CNTNAP5: variants seen among roughly 807,000 people sequenced by gnomAD.
The protein encoded by CNTNAP5 is contactin associated protein family member 5, also known as contactin-associated protein-like 5.
Under a neutral mutation model 150.2 loss-of-function variants are expected in CNTNAP5, and 72 were observed. The observed-to-expected ratio is 0.48, with a 90% CI of 0.40 to 0.58. The LOEUF (loss-of-function observed/expected upper bound fraction) is 0.58, where lower values mean the gene tolerates loss of function less well. Among genes scored for constraint, CNTNAP5 ranks in the 20% least tolerant of loss-of-function variants. The probability of loss-of-function intolerance (pLI) is 0.00; values close to 1 mark genes in which losing one functional copy is unlikely to be tolerated. For synonymous variants in CNTNAP5, 672 were observed against 619.8 expected (o/e 1.08, Z -1.25); for missense variants, 1,636 against 1,626.2 (o/e 1.01, Z -0.10).
chr2:124,610,966 A>G (rs1479802519), intron 12 of CNTNAP5, among the ~76,000 whole-genome samples: 2 of 152,008 alleles, frequency 1.3e-5, no homozygotes, highest in Admixed American at 6.5e-5. Context: ...AAAAAAAAAA[A>G]AAAAATCCAG....
chr2:124,438,031 G>A (rs944710104), intron 5 of CNTNAP5, among the ~76,000 whole-genome samples: 1 of 152,040 alleles, frequency 6.6e-6, no homozygotes, highest in Non-Finnish European at 1.5e-5. Flanking sequence ...ATGGCACTGG[G>A]GACATACATA....
At chr2:124,097,454 A>G (rs1335491820) in intron 1 of CNTNAP5, among the ~76,000 whole-genome samples, 1 of 152,184 alleles carries the variant, frequency 6.6e-6, no homozygotes, top group African/African-American at 2.4e-5. Flanking sequence ...AACAGTATGC[A>G]TATTCTGAAA....
intron 3 of CNTNAP5, among the ~76,000 whole-genome samples, chr2:124,402,427 G>A (rs1408670258): frequency 6.6e-6 from 1 of 152,192 alleles, no homozygotes; most frequent in Non-Finnish European, 1.5e-5. Context: ...GCGACTCCCT[G>A]AGAGAAGGGA....
chr2:124,379,211 G>A (rs1322694620), intron 3 of CNTNAP5, among the ~76,000 whole-genome samples: 1 of 151,596 alleles, frequency 6.6e-6, no homozygotes, highest in African/African-American at 2.4e-5. Context: ...TTTATATAAG[G>A]GTGTACTCTT....
At chr2:124,758,977 AT>A (rs1397132066) in intron 14 of CNTNAP5, among the ~76,000 whole-genome samples, 1 of 152,172 alleles carries the variant, frequency 6.6e-6, no homozygotes, top group African/African-American at 2.4e-5. Flanking sequence ...ACATTAAATC[AT>A]TTTCCAACAG....
chr2:124,494,554 A>G (rs987295843), intron 7 of CNTNAP5, among the ~76,000 whole-genome samples: 1 of 152,174 alleles, frequency 6.6e-6, no homozygotes, highest in Non-Finnish European at 1.5e-5. Context: ...ATAATGCTTT[A>G]CCAGGTTTTT....
At chr2:124,697,227 C>T (rs1312423925) in intron 13 of CNTNAP5, among the ~76,000 whole-genome samples, 3 of 152,132 alleles carry the variant, frequency 2.0e-5, no homozygotes, top group Admixed American at 2.0e-4. Flanking sequence ...GCACTTATTG[C>T]AATTAATGGG....
intron 3 of CNTNAP5, among the ~76,000 whole-genome samples, chr2:124,271,701 CATCTATCT>C (rs3063496): frequency 0.015 from 1,686 of 114,776 alleles, 18 homozygotes; most frequent in Non-Finnish European, 0.024. Flanking sequence ...ATCTATCTAT[CATCTATCT>C]ATCTATCTAT....
chr2:124,027,635 T>C (rs1680933038), intron 1 of CNTNAP5, among the ~76,000 whole-genome samples: 1 of 152,250 alleles, frequency 6.6e-6, no homozygotes, highest in African/African-American at 2.4e-5. Flanking sequence ...TGCTTATCAT[T>C]ACCGATGTAG....
At chr2:124,136,243 T>C (rs535290174) in intron 1 of CNTNAP5, among the ~76,000 whole-genome samples, 6 of 152,324 alleles carry the variant, frequency 3.9e-5, no homozygotes, top group African/African-American at 1.4e-4. Flanking sequence ...AGAAATGGCT[T>C]CATGCTTTCA....
chr2:124,627,928 T>G (rs369537452), intron 12 of CNTNAP5, among the ~76,000 whole-genome samples: 1 of 152,092 alleles, frequency 6.6e-6, no homozygotes, highest in East Asian at 1.9e-4. Flanking sequence ...CAAACACAAG[T>G]ATCAATAGCC....
chr2:124,737,490 C>T (rs1680410747), intron 13 of CNTNAP5, among the ~76,000 whole-genome samples: 1 of 152,022 alleles, frequency 6.6e-6, no homozygotes, highest in Admixed American at 6.6e-5. Flanking sequence ...GCCAGTACAG[C>T]TGGAGGGCAG....
intron 3 of CNTNAP5, among the ~76,000 whole-genome samples, chr2:124,388,500 A>G (rs188600378): frequency 6.6e-6 from 1 of 152,288 alleles, no homozygotes; most frequent in East Asian, 1.9e-4. Flanking sequence ...GCCAGCCTTA[A>G]CTTATGCATC....
intron 1 of CNTNAP5, among the ~76,000 whole-genome samples, chr2:124,181,088 A>G (rs1214608068): frequency 2.0e-5 from 3 of 152,166 alleles, no homozygotes; most frequent in African/African-American, 7.2e-5. Flanking sequence ...TACATTAACA[A>G]GAAAAGGAAC....
At chr2:124,817,168 A>G (rs1030855245) in intron 19 of CNTNAP5, among the ~76,000 whole-genome samples, 1 of 152,254 alleles carries the variant, frequency 6.6e-6, no homozygotes, top group Non-Finnish European at 1.5e-5. Flanking sequence ...TAAGAAAGGC[A>G]CATTCTCTAT....
intron 11 of CNTNAP5, among the ~76,000 whole-genome samples, chr2:124,587,590 C>T (rs1696566346): frequency 6.6e-6 from 1 of 152,108 alleles, no homozygotes; most frequent in Admixed American, 6.6e-5. Context: ...GATCTTTATT[C>T]TTCCTCAGGG....
chr2:124,157,612 A>G (rs1390325457), intron 1 of CNTNAP5, among the ~76,000 whole-genome samples: 2 of 152,236 alleles, frequency 1.3e-5, no homozygotes, highest in African/African-American at 2.4e-5. Flanking sequence ...ACAAAAAGAA[A>G]GAAAGGAAAT....
At chr2:124,182,252 C>T (rs966523733) in intron 1 of CNTNAP5, among the ~76,000 whole-genome samples, 3 of 152,140 alleles carry the variant, frequency 2.0e-5, no homozygotes, top group African/African-American at 4.8e-5. Flanking sequence ...TGTTTATCAG[C>T]ACTGGAAATC....
At chr2:124,068,789 C>G (rs931514051) in intron 1 of CNTNAP5, among the ~76,000 whole-genome samples, 1 of 151,808 alleles carries the variant, frequency 6.6e-6, no homozygotes, top group Non-Finnish European at 1.5e-5. Context: ...GATACAACAC[C>G]AGGCAGAGTT....
Sources: gnomAD v4.1 joint callset for allele counts (sites outside exome capture counted in the v4.1 genomes callset) on GRCh38, gnomAD v4.1.1 for gene constraint, MANE v1.5 for transcripts, NCBI Gene and HGNC (gene_info 2026-07-23, HGNC 2026-07-21) for gene names.